Variants in PTPRD observed in about 807,000 individuals in gnomAD.
PTPRD encodes the protein protein tyrosine phosphatase receptor type D, also known as receptor-type tyrosine-protein phosphatase delta.
Under a neutral mutation model 214.5 loss-of-function variants are expected in PTPRD, and 34 were observed. The observed-to-expected ratio is 0.16, with a 90% CI of 0.12 to 0.21. The LOEUF (loss-of-function observed/expected upper bound fraction) is 0.21. PTPRD is among the 10% of genes least tolerant of loss of function. PTPRD has a pLI of 1.00. For missense variants in PTPRD, 2,545 were observed against 2,398.7 expected (o/e 1.06, Z -1.27); for synonymous variants, 1,128 against 845.7 (o/e 1.33, Z -5.79).
intron 14 of PTPRD, among the ~76,000 whole-genome samples, chr9:8,631,361 G>A (rs1283299275): frequency 6.6e-6 from 1 of 151,748 alleles, no homozygotes; most frequent in Non-Finnish European, 1.5e-5. Context: ...CTGTGGATCA[G>A]AGACTATGAT....
intron 2 of PTPRD, among the ~76,000 whole-genome samples, chr9:10,512,256 A>C (rs1222620904): frequency 6.6e-6 from 1 of 151,956 alleles, no homozygotes; most frequent in East Asian, 1.9e-4. Context: ...TGATAGAGTA[A>C]GTAATGAAAT....
intron 4 of PTPRD, among the ~76,000 whole-genome samples, chr9:9,987,178 G>A (rs2095744751): frequency 6.6e-6 from 1 of 152,078 alleles, no homozygotes; most frequent in Admixed American, 6.5e-5. Context: ...TGGGTAGGCT[G>A]ACTATTAATA....
At chr9:8,792,506 A>G (rs1222505315) in intron 11 of PTPRD, among the ~76,000 whole-genome samples, 1 of 152,164 alleles carries the variant, frequency 6.6e-6, no homozygotes, top group Admixed American at 6.5e-5. Flanking sequence ...ATTTTTGAGG[A>G]AGACAATGAG....
At chr9:9,796,273 T>A (rs1194271874) in intron 5 of PTPRD, among the ~76,000 whole-genome samples, 1 of 152,132 alleles carries the variant, frequency 6.6e-6, no homozygotes. Context: ...TACTTCTTAA[T>A]CCAGTTGCAG....
intron 11 of PTPRD, among the ~76,000 whole-genome samples, chr9:8,908,485 T>A (rs575889473): frequency 6.6e-6 from 1 of 152,094 alleles, no homozygotes; most frequent in Non-Finnish European, 1.5e-5. Flanking sequence ...AGCACATTTT[T>A]AAATAACCCA....
chr9:9,357,425 G>T (rs1160925436), intron 9 of PTPRD, among the ~76,000 whole-genome samples: 1 of 150,408 alleles, frequency 6.6e-6, no homozygotes, highest in African/African-American at 2.5e-5. Flanking sequence ...TCACATGGAG[G>T]ATGATCTTGT....
At chr9:10,321,603 G>A (rs187919368) in intron 3 of PTPRD, among the ~76,000 whole-genome samples, 172 of 150,602 alleles carry the variant, frequency 1.1e-3, no homozygotes, top group African/African-American at 4.0e-3. Context: ...TTTTAAAAGC[G>A]GGGGTGGAAT....
intron 9 of PTPRD, among the ~76,000 whole-genome samples, chr9:9,365,074 C>G (rs565119940): frequency 6.6e-6 from 1 of 151,396 alleles, no homozygotes; most frequent in Admixed American, 6.6e-5. Flanking sequence ...AACATGTCAC[C>G]GTCATACCCT....
At chr9:10,502,025 A>C (rs2043915688) in intron 2 of PTPRD, among the ~76,000 whole-genome samples, 1 of 151,918 alleles carries the variant, frequency 6.6e-6, no homozygotes, top group Non-Finnish European at 1.5e-5. Flanking sequence ...TGCTATATAG[A>C]AACCAATAAG....
chr9:9,693,231 A>C (rs2097306695), intron 7 of PTPRD, among the ~76,000 whole-genome samples: 1 of 152,064 alleles, frequency 6.6e-6, no homozygotes, highest in African/African-American at 2.4e-5. Context: ...GTTCGCACTA[A>C]ATCTCATCTT....
At chr9:10,238,486 C>G (rs1290841279) in intron 3 of PTPRD, among the ~76,000 whole-genome samples, 1 of 151,866 alleles carries the variant, frequency 6.6e-6, no homozygotes, top group Non-Finnish European at 1.5e-5. Context: ...ATCATCCAGC[C>G]TGTGTATACG....
chr9:10,513,114 G>A (rs2048848705), intron 2 of PTPRD, among the ~76,000 whole-genome samples: 1 of 151,748 alleles, frequency 6.6e-6, no homozygotes. Context: ...GATAGAAAAT[G>A]GTACCAGTAT....
intron 10 of PTPRD, among the ~76,000 whole-genome samples, chr9:9,073,291 G>A (rs1453700640): frequency 2.0e-5 from 3 of 152,150 alleles, no homozygotes; most frequent in Non-Finnish European, 4.4e-5. Flanking sequence ...GTGGACTCTC[G>A]AATCAGATGA....
intron 8 of PTPRD, among the ~76,000 whole-genome samples, chr9:9,490,374 A>G (rs926545526): frequency 6.6e-6 from 1 of 152,112 alleles, no homozygotes; most frequent in African/African-American, 2.4e-5. Flanking sequence ...TATTATTGTA[A>G]TGACAGTTTT....
intron 5 of PTPRD, among the ~76,000 whole-genome samples, chr9:9,795,983 C>A (rs922385182): frequency 2.6e-5 from 4 of 151,536 alleles, no homozygotes; most frequent in African/African-American, 9.7e-5. Flanking sequence ...ACCACCGTCA[C>A]AAGAAAAAAG....
chr9:9,666,383 T>G (rs1229956719), intron 7 of PTPRD, among the ~76,000 whole-genome samples: 1 of 151,944 alleles, frequency 6.6e-6, no homozygotes, highest in Admixed American at 6.6e-5. Context: ...ATGATCTTAT[T>G]TGTATAACTT....
intron 11 of PTPRD, among the ~76,000 whole-genome samples, chr9:8,900,834 T>C (rs2098662652): frequency 6.6e-6 from 1 of 152,212 alleles, no homozygotes; most frequent in Admixed American, 6.5e-5. Context: ...TAGCATAAGA[T>C]TTCAGCAATG....
chr9:9,340,278 T>C lies in PTPRD; in HGVS notation c.-203+57171A>G, dbSNP rs964490350. Among the ~76,000 whole-genome samples, 7 of 152,202 alleles carry C rather than the reference T, an allele frequency of 4.6e-5. No individual in the cohort carries two copies. The East Asian group carries it at 9.6e-4, about 21-fold the overall frequency. ...TTGCATCAGAAAGTCCATGATACTA[T>C]GTGCATATAAGATATGGAATGAAAT... On this transcript the variant is annotated intron_variant, in intron 9 of 45. Transcript: ENST00000381196.
chr9:8,438,010 C>A (rs2095418578), intron 34 of PTPRD, among the ~76,000 whole-genome samples: 1 of 152,114 alleles, frequency 6.6e-6, no homozygotes, highest in Admixed American at 6.5e-5. Context: ...GCTACAAAAA[C>A]CTGAACTAGC....
Sources: allele counts gnomAD v4.1 joint callset (sites outside exome capture counted in the v4.1 genomes callset), GRCh38; gene constraint gnomAD v4.1.1; transcripts MANE v1.5; gene names NCBI Gene and HGNC (gene_info 2026-07-23, HGNC 2026-07-21).